Variants in ELAVL2 observed in about 807,000 individuals in gnomAD.
ELAVL2 encodes ELAV like RNA binding protein 2, also known as ELAV-like protein 2.
Under a neutral mutation model 34.6 loss-of-function variants are expected in ELAVL2, and 4 were observed. That is an observed-to-expected ratio of 0.12 (90% CI 0.06 to 0.26). ELAVL2 has a LOEUF of 0.26. ELAVL2 is among the 10% of genes least tolerant of loss of function. ELAVL2 has a pLI of 1.00. For missense variants in ELAVL2, 432 were observed against 442.8 expected, an observed-to-expected ratio of 0.98 and a Z score of 0.22; for synonymous variants, 193 against 154.8, an observed-to-expected ratio of 1.25 and a Z score of -1.83.
At chr9:23,698,853 A>G (rs960089798) in intron 5 of ELAVL2, among the ~76,000 whole-genome samples, 1 of 152,194 alleles carries the variant, frequency 6.6e-6, no homozygotes, top group Admixed American at 6.5e-5. Flanking sequence ...GATTTCTTCC[A>G]ACACACCCAA....
intron 1 of ELAVL2, among the ~76,000 whole-genome samples, chr9:23,781,875 G>T (rs1045061849): frequency 6.6e-6 from 1 of 152,000 alleles, no homozygotes; most frequent in East Asian, 1.9e-4. Context: ...TAGTAGAGAC[G>T]GGGTTTCAGC....
chr9:23,797,906 C>T (rs999517557), intron 1 of ELAVL2, among the ~76,000 whole-genome samples: 1 of 149,316 alleles, frequency 6.7e-6, no homozygotes, highest in Admixed American at 6.7e-5. Flanking sequence ...CCAGCTTGCG[C>T]AACAAGAGTG....
chr9:23,804,177 A>AT (rs143957071), intron 1 of ELAVL2, among the ~76,000 whole-genome samples: 9,407 of 148,240 alleles, frequency 0.063, 382 homozygotes, highest in East Asian at 0.1. Flanking sequence ...TTATTTATTT[A>AT]TTTATTTTTT....
chr9:23,786,426 T>C (rs1381088620), intron 1 of ELAVL2, among the ~76,000 whole-genome samples: 2 of 152,058 alleles, frequency 1.3e-5, no homozygotes, highest in Admixed American at 6.6e-5. Flanking sequence ...CCTGAGCTAC[T>C]GAAATGACAA....
rs756279278 is a variant in ELAVL2, at chr9:23,762,129, C to G, written c.106G>C (p.Asp36His). The G allele has an allele frequency of 6.2e-7, 1 of 1,613,592 alleles. No homozygotes were observed. Among genetic ancestry groups the G allele is most frequent in the South Asian group, 1.1e-5 (1 of 91,068 alleles). ...SSPVDSGNTEDSKTNLIVNYL... is the reference protein window; with the variant it reads ...SSPVDSGNTEHSKTNLIVNYL... ...TTGACTATTAAGTTGGTCTTGCTGT[C>G]TTCTGTGTTCCCAGAGTCAACTGGT... Residue 36 changes from aspartate to histidine, a missense_variant, in exon 2 of 7, where the codon GAC (aspartate) becomes CAC (histidine). Physicochemically the swap from Asp to His is moderately conservative, Grantham distance 81 (BLOSUM62 -1). Coordinates refer to ENST00000397312, the MANE Select transcript of ELAVL2 (RefSeq NM_004432.5).
chr9:23,821,580 C>G (rs1397142706), intron 1 of ELAVL2: 1 of 152,556 alleles, frequency 6.6e-6, no homozygotes, highest in South Asian at 2.1e-4. Flanking sequence ...GACGCCGTCC[C>G]CGCCCCCACG....
chr9:23,809,598 AATTG>A (rs760975497), intron 1 of ELAVL2, among the ~76,000 whole-genome samples: 4 of 152,152 alleles, frequency 2.6e-5, no homozygotes, highest in South Asian at 4.1e-4. Context: ...AATAATTTTC[AATTG>A]ATTATCAGTC....
chr9:23,811,389 G>A (rs937749727), intron 1 of ELAVL2, among the ~76,000 whole-genome samples: 1 of 151,680 alleles, frequency 6.6e-6, no homozygotes, highest in Non-Finnish European at 1.5e-5. Context: ...GAAAAGCAGT[G>A]GCCAGGCCTC....
chr9:23,727,053 T>C (rs1382684015), intron 3 of ELAVL2, among the ~76,000 whole-genome samples: 2 of 152,118 alleles, frequency 1.3e-5, no homozygotes, highest in Non-Finnish European at 2.9e-5. Context: ...ACCTTTTCAC[T>C]ACCTTCCCTA....
At chr9:23,752,771 C>T (rs1253027119) in intron 2 of ELAVL2, among the ~76,000 whole-genome samples, 1 of 152,120 alleles carries the variant, frequency 6.6e-6, no homozygotes, top group Non-Finnish European at 1.5e-5. Context: ...CTCTTATAAA[C>T]ACAGCTTAAA....
At chr9:23,724,740 G>A (rs1197993031) in intron 3 of ELAVL2, among the ~76,000 whole-genome samples, 8 of 152,028 alleles carry the variant, frequency 5.3e-5, no homozygotes, top group Non-Finnish European at 1.2e-4. Flanking sequence ...ATGTGGCTGT[G>A]GAAATTTCCA....
chr9:23,794,153 C>T (rs1226127930), intron 1 of ELAVL2, among the ~76,000 whole-genome samples: 1 of 152,332 alleles, frequency 6.6e-6, no homozygotes, highest in East Asian at 1.9e-4. Context: ...AGCATACCAA[C>T]AGCATTCAAG....
chr9:23,814,027 T>A (rs147384024), intron 1 of ELAVL2, among the ~76,000 whole-genome samples: 1 of 152,166 alleles, frequency 6.6e-6, no homozygotes, highest in Non-Finnish European at 1.5e-5. Flanking sequence ...TGTTGCTCCA[T>A]CCTTCCAAGT....
chr9:23,746,606 T>C (rs909343377), intron 2 of ELAVL2, among the ~76,000 whole-genome samples: 1 of 152,040 alleles, frequency 6.6e-6, no homozygotes, highest in Non-Finnish European at 1.5e-5. Flanking sequence ...CCTAATTGAC[T>C]TTACTTCGGT....
chr9:23,759,721 C>T (rs943216188), intron 2 of ELAVL2, among the ~76,000 whole-genome samples: 17 of 129,346 alleles, frequency 1.3e-4, no homozygotes, highest in Admixed American at 2.5e-4. Context: ...GTAGTGTACA[C>T]GTAATATATA....
At chr9:23,730,441 A>T (rs2046257664) in intron 3 of ELAVL2, among the ~76,000 whole-genome samples, 2 of 152,144 alleles carry the variant, frequency 1.3e-5, no homozygotes, top group Admixed American at 1.3e-4. Context: ...CTAGCCTGCC[A>T]CCTTTTTGTA....
intron 1 of ELAVL2, among the ~76,000 whole-genome samples, chr9:23,824,681 C>A (rs1330533738): frequency 6.6e-6 from 1 of 152,218 alleles, no homozygotes; most frequent in East Asian, 1.9e-4. Flanking sequence ...CCCTTTCCCA[C>A]ATCTACCCTG....
chr9:23,783,685 G>A (rs1443751911), intron 1 of ELAVL2, among the ~76,000 whole-genome samples: 2 of 152,092 alleles, frequency 1.3e-5, no homozygotes, highest in Admixed American at 6.5e-5. Context: ...ACTCAGATAA[G>A]GAGTTCCCAC....
intron 1 of ELAVL2, among the ~76,000 whole-genome samples, chr9:23,779,756 C>T (rs997047744): frequency 2.0e-5 from 3 of 151,800 alleles, no homozygotes; most frequent in Non-Finnish European, 4.4e-5. Context: ...CGGAAAGTTT[C>T]TGTGATTTCA....
Sources: gnomAD v4.1 joint callset for allele counts (sites outside exome capture counted in the v4.1 genomes callset) on GRCh38, gnomAD v4.1.1 for gene constraint, MANE v1.5 for transcripts, NCBI Gene and HGNC (gene_info 2026-07-23, HGNC 2026-07-21) for gene names.